ST8SIA6: variants seen among roughly 807,000 people sequenced by gnomAD.
ST8SIA6 encodes the protein alpha-2,8-sialyltransferase 8F.
A neutral mutation model predicts 33.6 loss-of-function variants in ST8SIA6; 39 were observed. The ratio of observed to expected loss-of-function variants is 1.16; its 90% CI spans 0.90 to 1.52. ST8SIA6 has a LOEUF of 1.52. Among genes scored for constraint, ST8SIA6 ranks in the 40% most tolerant of loss-of-function variants. The pLI, the probability that ST8SIA6 is intolerant of heterozygous loss-of-function variation, is 0.00. For synonymous variants in ST8SIA6, 172 were observed against 167.2 expected (o/e 1.03, Z -0.22); for missense variants, 441 against 443.8 (o/e 0.99, Z 0.06).
chr10:17,376,378 G>A (rs1008004714), intron 3 of ST8SIA6, among the ~76,000 whole-genome samples: 2 of 151,996 alleles, frequency 1.3e-5, no homozygotes, highest in Non-Finnish European at 2.9e-5. Flanking sequence ...AGACTTCCGA[G>A]AGCTTTTATT....
At chr10:17,414,316 C>T (rs949784350) in intron 2 of ST8SIA6, among the ~76,000 whole-genome samples, 2 of 152,210 alleles carry the variant, frequency 1.3e-5, no homozygotes, top group Admixed American at 6.5e-5. Flanking sequence ...TCATTTTCCT[C>T]TTTCAAAATT....
chr10:17,401,664 A>T (rs1315956559), intron 2 of ST8SIA6, among the ~76,000 whole-genome samples: 1 of 152,226 alleles, frequency 6.6e-6, no homozygotes, highest in Middle Eastern at 3.2e-3. Context: ...AAACCTGACA[A>T]AAACAAGAAA....
chr10:17,407,105 C>G (rs1445978746), intron 2 of ST8SIA6, among the ~76,000 whole-genome samples: 1 of 152,094 alleles, frequency 6.6e-6, no homozygotes, highest in Non-Finnish European at 1.5e-5. Context: ...GAGGGCTAAT[C>G]TTTTAAGTTG....
chr10:17,430,767 G>A lies in ST8SIA6; in HGVS notation c.200+22792C>T, dbSNP rs533642505. 3.4e-4 allele frequency among the ~76,000 whole-genome samples: 51 copies of A among 152,234 alleles called. 1 individual carries two copies. The highest frequency in any genetic ancestry group is 1.1e-3 in the African/African-American group (45 of 41,522). Reference sequence around the variant, plus strand: ...TCTTGCTGATTTGTTTGAGTTCCTCGTAGATTCTGGATTCTAGCCCTTTGA... The same window carrying A: ...TCTTGCTGATTTGTTTGAGTTCCTCATAGATTCTGGATTCTAGCCCTTTGA... On this transcript the variant is annotated intron_variant, in intron 2 of 7. Coordinates refer to ENST00000377602, the MANE Select transcript of ST8SIA6 (RefSeq NM_001004470.3).
intron 2 of ST8SIA6, among the ~76,000 whole-genome samples, chr10:17,449,034 C>A (rs2131748183): frequency 6.6e-6 from 1 of 151,012 alleles, no homozygotes; most frequent in South Asian, 2.1e-4. Flanking sequence ...TGAAGATAAA[C>A]AAAAAGTTCT....
chr10:17,326,424 A>G (rs375341987), intron 6 of ST8SIA6, among the ~76,000 whole-genome samples: 1 of 152,194 alleles, frequency 6.6e-6, no homozygotes, highest in East Asian at 1.9e-4. Context: ...CAGAAAAACC[A>G]TTTTGTTTCT....
intron 2 of ST8SIA6, among the ~76,000 whole-genome samples, chr10:17,446,473 G>T (rs1411477762): frequency 6.6e-6 from 1 of 152,194 alleles, no homozygotes. Context: ...GTAAGGTTCA[G>T]GCTGAGAGAA....
Position 17,321,184 on chromosome 10 carries a change from T to A in ST8SIA6, c.891A>T (p.Leu297=). 5 of 1,614,038 alleles carry A rather than the reference T, an allele frequency of 3.1e-6. No homozygotes were observed. Among genetic ancestry groups the A allele is most frequent in the Non-Finnish European group, 4.2e-6 (5 of 1,179,992 alleles). Residue 297 remains leucine, a synonymous_variant, in exon 8 of 8, where the codon CTA becomes CTT. Transcript: ENST00000377602. ...CTTTCAGGTACTTGGGATGGAAAAA[T>A]AGAACCTTTTGTCTTGCTTTAGACT... is the stretch of plus-strand genomic sequence containing the variant. The part of the protein sequence containing the change: ...LEESKARQKV[L]FFHPKYLKDL...
intron 4 of ST8SIA6, among the ~76,000 whole-genome samples, chr10:17,334,336 G>C (rs1043851474): frequency 6.6e-6 from 1 of 151,176 alleles, no homozygotes; most frequent in Non-Finnish European, 1.5e-5. Context: ...TCAGGAGATC[G>C]AGACCATCCT....
chr10:17,384,584 C>A (rs1850268750), intron 3 of ST8SIA6, among the ~76,000 whole-genome samples: 2 of 152,138 alleles, frequency 1.3e-5, no homozygotes, highest in Non-Finnish European at 2.9e-5. Context: ...TTATTTTCTA[C>A]AGTTTGGACC....
intron 4 of ST8SIA6, among the ~76,000 whole-genome samples, chr10:17,354,076 G>A (rs1849116610): frequency 6.6e-6 from 1 of 152,106 alleles, no homozygotes; most frequent in Admixed American, 6.6e-5. Flanking sequence ...TACCATGCAA[G>A]TTACCTAGGG....
At position 17,318,010 on chromosome 10, in the gene ST8SIA6, A is replaced by G. The variant is rs540986223; in HGVS notation, c.*2868T>C. Among the ~76,000 whole-genome samples the G allele has an allele frequency of 6.6e-6, 1 of 152,340 alleles. No homozygotes were observed. The highest frequency in any genetic ancestry group is 1.9e-4 in the East Asian group (1 of 5,186). Reference sequence around the variant, plus strand: ...GATCATGAAGCCCTTTGCAGGGACCACAGAGTACTATGGACTATATACTTA... The same window carrying G: ...GATCATGAAGCCCTTTGCAGGGACCGCAGAGTACTATGGACTATATACTTA... On this transcript the variant is annotated 3_prime_UTR_variant, in exon 8 of 8. Coordinates refer to ENST00000377602, the MANE Select transcript of ST8SIA6 (RefSeq NM_001004470.3).
chr10:17,423,514 C>T (rs1851842835), intron 2 of ST8SIA6, among the ~76,000 whole-genome samples: 1 of 152,196 alleles, frequency 6.6e-6, no homozygotes, highest in African/African-American at 2.4e-5. Flanking sequence ...TCCAAATATA[C>T]TTTTTAATAA....
intron 2 of ST8SIA6, among the ~76,000 whole-genome samples, chr10:17,425,518 G>A (rs749472650): frequency 3.0e-4 from 46 of 152,010 alleles, no homozygotes; most frequent in Non-Finnish European, 1.3e-4. Context: ...AGTGGGCTGA[G>A]ATCATGCCAC....
At chr10:17,352,320 A>G (rs1588827387) in intron 4 of ST8SIA6, among the ~76,000 whole-genome samples, 1 of 152,324 alleles carries the variant, frequency 6.6e-6, no homozygotes, top group East Asian at 1.9e-4. Flanking sequence ...CAGCTCATAT[A>G]TTTGAGTAGA....
chr10:17,328,801 G>A (rs1194675511), intron 5 of ST8SIA6, among the ~76,000 whole-genome samples: 1 of 152,226 alleles, frequency 6.6e-6, no homozygotes, highest in East Asian at 1.9e-4. Flanking sequence ...TTTACTGCAC[G>A]TGCGCAGAAC....
intron 4 of ST8SIA6, among the ~76,000 whole-genome samples, chr10:17,356,974 T>C (rs967031266): frequency 2.0e-5 from 3 of 152,106 alleles, no homozygotes; most frequent in African/African-American, 7.2e-5. Flanking sequence ...ACATTGTGAG[T>C]GGATACTTAT....
intron 3 of ST8SIA6, among the ~76,000 whole-genome samples, chr10:17,371,322 G>T (rs1223331426): frequency 6.6e-6 from 1 of 152,186 alleles, no homozygotes; most frequent in Non-Finnish European, 1.5e-5. Flanking sequence ...AATCTGCAAA[G>T]AGGTTCAGGT....
At chr10:17,450,008 G>T (rs1012050753) in intron 2 of ST8SIA6, among the ~76,000 whole-genome samples, 23 of 152,164 alleles carry the variant, frequency 1.5e-4, no homozygotes, top group African/African-American at 5.6e-4. Context: ...AGTAGAGGGA[G>T]GCCATGATAT....
Sources: gnomAD v4.1 joint callset for allele counts (sites outside exome capture counted in the v4.1 genomes callset) on GRCh38, gnomAD v4.1.1 for gene constraint, MANE v1.5 for transcripts, NCBI Gene and HGNC (gene_info 2026-07-23, HGNC 2026-07-21) for gene names.